The following ATP13A5 variants were observed in gnomAD, a reference collection of about 807,000 sequenced individuals.
The protein encoded by ATP13A5 is ATPase 13A5.
ATP13A5 carries 149 observed loss-of-function variants against 150.2 expected under a neutral mutation model. The observed-to-expected ratio is 0.99, with a 90% CI of 0.87 to 1.14. The LOEUF (loss-of-function observed/expected upper bound fraction) is 1.14. Ranked by LOEUF, ATP13A5 falls within the 50% of genes most tolerant of loss-of-function variation. The pLI, the probability that ATP13A5 is intolerant of heterozygous loss-of-function variation, is 0.00. For synonymous variants in ATP13A5, 497 were observed against 522.2 expected, an observed-to-expected ratio of 0.95 and a Z score of 0.66; for missense variants, 1,383 against 1,449.3, an observed-to-expected ratio of 0.95 and a Z score of 0.74.
intron 8 of ATP13A5, 99 bp downstream of exon 8, chr3:193,344,904 T>C: frequency 8.0e-7 from 1 of 1,245,702 alleles, no homozygotes; most frequent in South Asian, 1.3e-5. Context: ...GGGTTCAATC[T>C]GAAAAGATTA....
chr3:193,344,955 C>T (rs1199388033), intron 8 of ATP13A5, 48 bp downstream of exon 8: 1 of 1,496,052 alleles, frequency 6.7e-7, no homozygotes, highest in Admixed American at 1.7e-5. Flanking sequence ...GAGACCAATT[C>T]CCCCCTGAAA....
At chr3:193,333,582 CT>C (rs1471310078) in intron 11 of ATP13A5, among the ~76,000 whole-genome samples, 167 bp downstream of exon 11, 1 of 152,184 alleles carries the variant, frequency 6.6e-6, no homozygotes, top group African/African-American at 2.4e-5. Flanking sequence ...TACCTAAACA[CT>C]GGGGGCAAAC....
intron 23 of ATP13A5, among the ~76,000 whole-genome samples, chr3:193,304,159 G>T (rs28687539): frequency 1.3e-5 from 2 of 152,230 alleles, no homozygotes; most frequent in Admixed American, 6.5e-5. Context: ...AAAACATAAT[G>T]CTTGTTTGGT....
At chr3:193,362,753 CTTTCTTTCT>C (rs1460567915) in intron 3 of ATP13A5, 116 bp from the exon 4 acceptor site, 12 of 65,734 alleles carry the variant, frequency 1.8e-4, no homozygotes, top group African/African-American at 1.6e-3. Context: ...TGCTTTCCTT[CTTTCTTTCT>C]TTCTTTCTTT....
At chr3:193,348,884 A>T (rs1201930399) in intron 7 of ATP13A5, among the ~76,000 whole-genome samples, 4 of 152,166 alleles carry the variant, frequency 2.6e-5, no homozygotes, top group Admixed American at 2.6e-4. Flanking sequence ...GTAGTACTTG[A>T]CTTGGAATCA....
At chr3:193,374,652 C>T (rs1417204639) in intron 1 of ATP13A5, among the ~76,000 whole-genome samples, 1 of 151,514 alleles carries the variant, frequency 6.6e-6, no homozygotes, top group African/African-American at 2.4e-5. Context: ...CACACACACA[C>T]ACACACACAC....
At chr3:193,354,099 C>CAA (rs11300573) in intron 6 of ATP13A5, 28 bp downstream of exon 6, 13 of 1,485,690 alleles carry the variant, frequency 8.8e-6, no homozygotes, top group East Asian at 4.8e-5. Flanking sequence ...TCTATTTTTT[C>CAA]AAAAAAAAAA....
intron 5 of ATP13A5, among the ~76,000 whole-genome samples, chr3:193,354,932 C>G (rs1432629696): frequency 1.2e-5 from 1 of 85,658 alleles, no homozygotes; most frequent in African/African-American, 5.1e-5. Flanking sequence ...TGAATCACAA[C>G]AATGTAACTT....
rs1560152038 is a variant in ATP13A5 at position 193,364,261 on chromosome 3, TC to T, written c.82del (p.Asp28ThrfsTer15). 1 of 1,613,606 alleles carries T rather than the reference TC, an allele frequency of 6.2e-7. No individual in the cohort carries two copies. Among genetic ancestry groups the T allele is most frequent in the South Asian group, 1.1e-5 (1 of 90,968 alleles). On this transcript the variant is annotated frameshift_variant, in exon 2 of 30. Transcript: ENST00000342358. LOFTEE classifies it high-confidence loss of function. ...GCAGAAGGCTTTCCGTACATTGTGG[TC>T]CCGGTAACCAAACACCTCCTGGAGA... is the stretch of plus-strand genomic sequence containing the variant. The part of the protein sequence containing the change: ...EDELEVFGYR[D>X]HNVRKAFCLV...
chr3:193,320,192 A>G (rs1054873643), intron 16 of ATP13A5, among the ~76,000 whole-genome samples: 3 of 152,200 alleles, frequency 2.0e-5, no homozygotes, highest in Admixed American at 6.5e-5. Flanking sequence ...GACCTTAGTC[A>G]TGTTCAGTCT....
rs946523298 is a variant in ATP13A5 at position 193,343,984 on chromosome 3, G to A, written c.886C>T (p.Pro296Ser). Residue 296 changes from proline (P) to serine (S), a missense_variant, in exon 9 of 30, where the codon CCA (proline) becomes TCA (serine). Around this residue, in one of 3 missense-constraint regions of ATP13A5, gnomAD observed 787 missense variants for 771.9 expected, o/e 1.02. Coordinates refer to ENST00000342358, the MANE Select transcript of ATP13A5 (RefSeq NM_198505.4). ...ILILPGKFSL[P>S]CDAVLIDGSC... is the part of the protein sequence containing the mutation. ...CCATCAATCAAAACAGCATCACATG[G>A]CAATGAAAATTTTCCTGGAAGAATA... 109 of 1,613,296 alleles carry A rather than the reference G, an allele frequency of 6.8e-5. No homozygotes were observed. The highest frequency in any genetic ancestry group is 9.0e-5 in the Non-Finnish European group (106 of 1,179,618).
chr3:193,375,566 G>A (rs564754698), intron 1 of ATP13A5, among the ~76,000 whole-genome samples: 2 of 152,316 alleles, frequency 1.3e-5, no homozygotes, highest in Non-Finnish European at 2.9e-5. Flanking sequence ...GAGCTAGATA[G>A]TAGTGAGGAG....
chr3:193,374,902 C>T (rs1484296275), intron 1 of ATP13A5, among the ~76,000 whole-genome samples: 1 of 152,172 alleles, frequency 6.6e-6, no homozygotes, highest in African/African-American at 2.4e-5. Flanking sequence ...ACCCCTCTTA[C>T]TCTCCTGCTC....
At chr3:193,352,493 GT>G (rs869060534) in intron 6 of ATP13A5, among the ~76,000 whole-genome samples, 13 of 38,298 alleles carry the variant, frequency 3.4e-4, no homozygotes, top group African/African-American at 1.1e-3. Flanking sequence ...GTTGTACTTG[GT>G]TTTTTTTTTC....
intron 5 of ATP13A5, among the ~76,000 whole-genome samples, chr3:193,361,784 G>A (rs998927598): frequency 4.6e-5 from 7 of 152,164 alleles, no homozygotes; most frequent in Admixed American, 2.6e-4. Flanking sequence ...TGACTAGTCC[G>A]TGTCTCTGGG....
In ATP13A5 at chr3:193,333,765, T is replaced by A; in HGVS notation, c.1257A>T (p.Val419=). ...CAGTACTTACTCCATGGTACATATATACCCCTAGGGCATAGAAAAAACCCA... is the reference window on the plus strand; with the variant it reads ...CAGTACTTACTCCATGGTACATATAAACCCCTAGGGCATAGAAAAAACCCA... ...GVMGFFYALG[V]YMYHGVPPKD... The change falls in exon 11 of 30, where the codon GTA becomes GTT. Residue 419 remains valine (V), a synonymous_variant. Coordinates refer to ENST00000342358, the MANE Select transcript of ATP13A5 (RefSeq NM_198505.4). 5 of 1,613,704 alleles carry A rather than the reference T, an allele frequency of 3.1e-6. No individual in the cohort carries two copies. The highest frequency in any genetic ancestry group is 4.2e-6 in the Non-Finnish European group (5 of 1,179,742).
intron 5 of ATP13A5, among the ~76,000 whole-genome samples, chr3:193,358,372 C>T (rs1257634338): frequency 6.6e-6 from 1 of 152,192 alleles, no homozygotes; most frequent in Admixed American, 6.5e-5. Context: ...TTCACAGATG[C>T]ACAGGACATG....
intron 19 of ATP13A5, chr3:193,312,939 G>A (rs146467842): frequency 1.3e-5 from 2 of 150,582 alleles, no homozygotes; most frequent in Non-Finnish European, 1.5e-5. Context: ...ATGGTGGAGG[G>A]ACCCAGAGAG....
chr3:193,324,747 G>C (rs151224692), intron 14 of ATP13A5, 117 bp downstream of exon 14: 2 of 1,126,810 alleles, frequency 1.8e-6, no homozygotes, highest in African/African-American at 3.1e-5. Context: ...AGTGTTACAC[G>C]CTTATACATA....
Sources: allele counts gnomAD v4.1 joint callset (sites outside exome capture counted in the v4.1 genomes callset), GRCh38; gene constraint gnomAD v4.1.1; regional missense constraint gnomAD v4.1.1; transcripts MANE v1.5; gene names NCBI Gene and HGNC (gene_info 2026-07-23, HGNC 2026-07-21).